The following CA10 variants were observed in gnomAD, a reference collection of about 807,000 sequenced individuals.
The protein encoded by CA10 is carbonic anhydrase-related protein 10.
A neutral mutation model predicts 44.2 loss-of-function variants in CA10; 14 were observed. That is an observed-to-expected ratio of 0.32 (90% CI 0.21 to 0.50). The LOEUF is 0.50. Among genes scored for constraint, CA10 ranks in the 20% least tolerant of loss-of-function variants. The probability of loss-of-function intolerance (pLI) is 0.99; values close to 1 mark genes in which losing one functional copy is unlikely to be tolerated. For synonymous variants in CA10, 159 were observed against 141.6 expected, an observed-to-expected ratio of 1.12 and a Z score of -0.87; for missense variants, 350 against 409.7, an observed-to-expected ratio of 0.85 and a Z score of 1.26.
At chr17:51,996,081 A>G (rs1050163557) in intron 2 of CA10, among the ~76,000 whole-genome samples, 1 of 152,074 alleles carries the variant, frequency 6.6e-6, no homozygotes, top group African/African-American at 2.4e-5. Flanking sequence ...TGTCACCTGT[A>G]CTGTGGGTTC....
At chr17:51,665,252 A>G (rs932276694) in intron 4 of CA10, among the ~76,000 whole-genome samples, 19 of 152,206 alleles carry the variant, frequency 1.2e-4, no homozygotes, top group Non-Finnish European at 2.6e-4. Context: ...ACACTGGTTT[A>G]TTTCAAAGCC....
chr17:51,870,314 T>C (rs1198491138), intron 3 of CA10, among the ~76,000 whole-genome samples: 2 of 152,242 alleles, frequency 1.3e-5, no homozygotes, highest in Non-Finnish European at 2.9e-5. Flanking sequence ...ATTTTGCCCA[T>C]CATGAAAGAG....
chr17:51,846,263 C>T (rs565631152), intron 3 of CA10, among the ~76,000 whole-genome samples: 2 of 152,334 alleles, frequency 1.3e-5, no homozygotes, highest in African/African-American at 4.8e-5. Flanking sequence ...CTGCATCCAT[C>T]CAATGTTGAA....
At chr17:51,650,912 T>C (rs1300821868) in intron 5 of CA10, among the ~76,000 whole-genome samples, 5 of 152,184 alleles carry the variant, frequency 3.3e-5, no homozygotes, top group Non-Finnish European at 7.3e-5. Context: ...GGATAAAATA[T>C]GTACTTGGTA....
rs138560226 is a variant in CA10, at chr17:52,014,601, A to C, written c.136+57718T>G. On this transcript the variant is annotated intron_variant, in intron 2 of 8. Coordinates refer to ENST00000451037, the MANE Select transcript of CA10 (RefSeq NM_020178.5). Reference sequence around the variant, plus strand: ...TACAAAATCTATCAGCTATCATGGAAAAGTTAGTTAAGTAGATAAATGTGA... The same window carrying C: ...TACAAAATCTATCAGCTATCATGGACAAGTTAGTTAAGTAGATAAATGTGA... Among the ~76,000 whole-genome samples, 56 of 152,148 alleles carry C rather than the reference A, an allele frequency of 3.7e-4. 1 individual carries two copies. The highest frequency in any genetic ancestry group is 1.3e-3 in the African/African-American group (52 of 41,576).
chr17:51,689,336 G>A (rs1246265887), intron 4 of CA10, among the ~76,000 whole-genome samples: 2 of 152,188 alleles, frequency 1.3e-5, no homozygotes, highest in East Asian at 3.8e-4. Context: ...GCTCCTAGAG[G>A]TGGCATAGCA....
chr17:51,989,107 G>A (rs942897572), intron 2 of CA10, among the ~76,000 whole-genome samples: 3 of 150,852 alleles, frequency 2.0e-5, no homozygotes, highest in East Asian at 3.9e-4. Flanking sequence ...AATAAATGCA[G>A]AATCTTAATC....
intron 2 of CA10, among the ~76,000 whole-genome samples, chr17:51,931,599 T>G (rs1982662575): frequency 6.6e-6 from 1 of 152,136 alleles, no homozygotes; most frequent in Non-Finnish European, 1.5e-5. Context: ...TTTCTTTGGG[T>G]TGTCAAGACT....
At chr17:51,693,903 T>G (rs1915308686) in intron 4 of CA10, among the ~76,000 whole-genome samples, 1 of 152,106 alleles carries the variant, frequency 6.6e-6, no homozygotes, top group South Asian at 2.1e-4. Flanking sequence ...TGTTCTAAGT[T>G]CTTTAAGAAA....
chr17:51,856,806 G>A (rs905122267), intron 3 of CA10, among the ~76,000 whole-genome samples: 1 of 152,194 alleles, frequency 6.6e-6, no homozygotes, highest in African/African-American at 2.4e-5. Flanking sequence ...GCTTATGAAA[G>A]GCTCCAAAGC....
chr17:51,968,352 GAGA>G (rs1984156771), intron 2 of CA10, among the ~76,000 whole-genome samples: 1 of 151,830 alleles, frequency 6.6e-6, no homozygotes, highest in African/African-American at 2.4e-5. Context: ...TTTTGTTGCT[GAGA>G]AGTATTCCAT....
In CA10 at chr17:51,864,814, C is replaced by T. The variant is rs190630738; in HGVS notation, c.279+66176G>A. Among the ~76,000 whole-genome samples the T allele has an allele frequency of 2.6e-5, 4 of 152,316 alleles. No homozygotes were observed. The East Asian group carries it at 7.7e-4, about 29-fold the overall frequency. ...AAACAACATGCAGGCTCACAACTCA[C>T]TGCATGTCAAACTGAGGCGTGCAGG... On this transcript the variant is annotated intron_variant, in intron 3 of 8. Coordinates refer to ENST00000451037, the MANE Select transcript of CA10 (RefSeq NM_020178.5).
intron 1 of CA10, among the ~76,000 whole-genome samples, chr17:52,076,703 G>T (rs1478095682): frequency 1.3e-5 from 2 of 152,144 alleles, no homozygotes; most frequent in Non-Finnish European, 2.9e-5. Flanking sequence ...TTAAAGTTCT[G>T]CCACAGTACT....
chr17:52,048,050 A>AAT (rs1986962079), intron 2 of CA10, among the ~76,000 whole-genome samples: 1 of 151,730 alleles, frequency 6.6e-6, no homozygotes, highest in East Asian at 2.0e-4. Flanking sequence ...AAATTAAAAA[A>AAT]AAAAAAAACA....
At chr17:51,638,766 T>A (rs1239242165) in intron 6 of CA10, among the ~76,000 whole-genome samples, 1 of 151,934 alleles carries the variant, frequency 6.6e-6, no homozygotes, top group African/African-American at 2.4e-5. Context: ...GGGGCGAGGG[T>A]GCGGGGTACT....
At chr17:52,017,742 G>A (rs1193567708) in intron 2 of CA10, among the ~76,000 whole-genome samples, 4 of 152,142 alleles carry the variant, frequency 2.6e-5, no homozygotes, top group African/African-American at 7.2e-5. Context: ...CAAGCAGGCT[G>A]TGGAGCAACC....
intron 1 of CA10, 65 bp from the exon 2 acceptor site, chr17:52,072,458 G>C: frequency 8.6e-7 from 1 of 1,163,862 alleles, no homozygotes; most frequent in South Asian, 1.3e-5. Context: ...CCGGCTGTCC[G>C]AGTAAGAAGG....
intron 3 of CA10, among the ~76,000 whole-genome samples, chr17:51,816,208 A>G (rs1041123226): frequency 1.3e-5 from 2 of 152,142 alleles, no homozygotes; most frequent in African/African-American, 4.8e-5. Context: ...TCACATAATG[A>G]TCTTCCATTC....
chr17:51,918,928 AG>A (rs1259292520), intron 3 of CA10, among the ~76,000 whole-genome samples: 1 of 152,206 alleles, frequency 6.6e-6, no homozygotes, highest in African/African-American at 2.4e-5. Flanking sequence ...ACATTAATAA[AG>A]TTGTATCTAT....
Sources: gnomAD v4.1 joint callset for allele counts (sites outside exome capture counted in the v4.1 genomes callset) on GRCh38, gnomAD v4.1.1 for gene constraint, MANE v1.5 for transcripts, NCBI Gene and HGNC (gene_info 2026-07-23, HGNC 2026-07-21) for gene names.